ASTN1: variants seen among roughly 807,000 people sequenced by gnomAD.
ASTN1 encodes the protein astrotactin-1.
A neutral mutation model predicts 140.7 loss-of-function variants in ASTN1; 41 were observed. The observed-to-expected ratio is 0.29, with a 90% CI of 0.23 to 0.38. The LOEUF is 0.38. ASTN1 is among the 10% of genes least tolerant of loss of function. The pLI, the probability that ASTN1 is intolerant of heterozygous loss-of-function variation, is 1.00. For synonymous variants in ASTN1, 640 were observed against 652.2 expected (o/e 0.98, Z 0.29); for missense variants, 1,479 against 1,678.8 (o/e 0.88, Z 2.08).
chr1:177,090,791 A>G (rs1480416619), intron 1 of ASTN1, among the ~76,000 whole-genome samples: 1 of 152,048 alleles, frequency 6.6e-6, no homozygotes, highest in Admixed American at 6.6e-5. Flanking sequence ...CTATAAGAAA[A>G]CCTTCAAATA....
chr1:176,997,320 T>C (rs1674502099), intron 8 of ASTN1, among the ~76,000 whole-genome samples: 1 of 152,144 alleles, frequency 6.6e-6, no homozygotes, highest in Non-Finnish European at 1.5e-5. Context: ...AGTGAGTAGT[T>C]AGTAAGAGGT....
At chr1:176,893,295 G>A (rs374451769) in intron 17 of ASTN1, among the ~76,000 whole-genome samples, 2 of 152,136 alleles carry the variant, frequency 1.3e-5, no homozygotes, top group East Asian at 3.9e-4. Flanking sequence ...AAGGGAAGAA[G>A]AAGAGGGCTG....
At chr1:176,935,749 C>T (rs534378778) in intron 15 of ASTN1, among the ~76,000 whole-genome samples, 43 of 151,874 alleles carry the variant, frequency 2.8e-4, no homozygotes, top group South Asian at 1.7e-3. Flanking sequence ...ATATCTATTT[C>T]TCTCTCTCTC....
chr1:176,986,923 C>A (rs567782055), intron 8 of ASTN1, among the ~76,000 whole-genome samples: 2 of 152,104 alleles, frequency 1.3e-5, no homozygotes. Flanking sequence ...TTGCAACTGT[C>A]CCCTAAATGA....
chr1:177,080,856 C>T (rs536457547), intron 1 of ASTN1, among the ~76,000 whole-genome samples: 7 of 152,206 alleles, frequency 4.6e-5, no homozygotes, highest in African/African-American at 1.4e-4. Context: ...GCCTCTGGGT[C>T]TTCATTTGTT....
At chr1:176,917,336 T>C (rs1670530510) in intron 16 of ASTN1, among the ~76,000 whole-genome samples, 1 of 152,152 alleles carries the variant, frequency 6.6e-6, no homozygotes, top group Non-Finnish European at 1.5e-5. Context: ...CTTCCCAGGG[T>C]GGGGTGGCAC....
chr1:177,029,561 C>G (rs1375268652), intron 5 of ASTN1, 73 bp downstream of exon 5: 1 of 1,478,878 alleles, frequency 6.8e-7, no homozygotes, highest in Non-Finnish European at 9.4e-7. Flanking sequence ...CCCAACCCAA[C>G]ACCTCTTCGC....
chr1:176,930,689 C>T (rs1193248545), intron 16 of ASTN1, among the ~76,000 whole-genome samples: 1 of 152,058 alleles, frequency 6.6e-6, no homozygotes, highest in Non-Finnish European at 1.5e-5. Flanking sequence ...CAGGGAATCT[C>T]TAATTAAGAA....
chr1:177,075,947 T>C (rs1250398445), intron 1 of ASTN1, among the ~76,000 whole-genome samples: 9 of 152,090 alleles, frequency 5.9e-5, no homozygotes, highest in South Asian at 2.1e-4. Context: ...TGAACAAACC[T>C]TTTGATCTCA....
chr1:176,981,640 G>C (rs1673625911), intron 8 of ASTN1: 1 of 152,492 alleles, frequency 6.6e-6, no homozygotes, highest in Non-Finnish European at 1.5e-5. Context: ...AGCTCCAAGT[G>C]ATATTGAGGG....
chr1:176,941,907 T>C lies in ASTN1; in HGVS notation c.2377+1984A>G, dbSNP rs187515974. On this transcript the variant is annotated intron_variant, in intron 14 of 22. Transcript: ENST00000361833. ...TGGTGTGGCAACAAGGAAACTAGAT[T>C]CCCTAATGCCAGAGATGCAGGCTTT... Among the ~76,000 whole-genome samples the C allele has an allele frequency of 5.3e-5, 8 of 152,282 alleles. No individual in the cohort carries two copies. The East Asian group carries it at 1.4e-3, about 26-fold the overall frequency.
chr1:177,139,534 A>G (rs2102220630), intron 1 of ASTN1, among the ~76,000 whole-genome samples: 1 of 152,344 alleles, frequency 6.6e-6, no homozygotes, highest in African/African-American at 2.4e-5. Flanking sequence ...GCAGTGATGA[A>G]GGCAGCCTTG....
At position 177,032,855 on chromosome 1, in the gene ASTN1, AAG is replaced by A; in HGVS notation, c.472-8_472-7del. The A allele has an allele frequency of 6.3e-7, 1 of 1,587,280 alleles. No homozygotes were observed. The highest frequency in any genetic ancestry group is 8.6e-7 in the Non-Finnish European group (1 of 1,166,092). On this transcript the variant is annotated splice_polypyrimidine_tract_variant and splice_region_variant and intron_variant, in intron 2 of 22. Coordinates refer to ENST00000361833, the MANE Select transcript of ASTN1 (RefSeq NM_004319.3). ...AGCAGAGCGATCATGCCACCCTAGGAAGAGAGGACCACAGATGGATGTGGGAA... is the reference window on the plus strand; with the variant it reads ...AGCAGAGCGATCATGCCACCCTAGGAAGAGGACCACAGATGGATGTGGGAA...
At chr1:176,943,350 C>T (rs1403385098) in intron 14 of ASTN1, among the ~76,000 whole-genome samples, 1 of 152,076 alleles carries the variant, frequency 6.6e-6, no homozygotes, top group East Asian at 1.9e-4. Flanking sequence ...GAGGGGCAGG[C>T]ATTATTATCC....
intron 8 of ASTN1, among the ~76,000 whole-genome samples, chr1:176,979,368 C>G (rs1673508283): frequency 6.6e-6 from 1 of 152,144 alleles, no homozygotes; most frequent in South Asian, 2.1e-4. Flanking sequence ...CCAGGGCCAT[C>G]CAGGGTGCCC....
At chr1:176,911,778 A>G (rs1024632643) in intron 16 of ASTN1, among the ~76,000 whole-genome samples, 1 of 152,224 alleles carries the variant, frequency 6.6e-6, no homozygotes, top group African/African-American at 2.4e-5. Flanking sequence ...AAATAATGAT[A>G]AAAAGCATAG....
At chr1:177,095,048 A>C (rs1241299430) in intron 1 of ASTN1, among the ~76,000 whole-genome samples, 1 of 152,204 alleles carries the variant, frequency 6.6e-6, no homozygotes, top group Non-Finnish European at 1.5e-5. Context: ...TTCGTGTCCC[A>C]GTATTTTGTA....
chr1:177,085,651 T>C lies in ASTN1; in HGVS notation c.284-24386A>G, dbSNP rs555691363. On this transcript the variant is annotated intron_variant, in intron 1 of 22. Transcript: ENST00000361833. ...GCAAAATGCAGCCCAGGTGGTAACATGCACCTGCACAACCCCTGCCTGCCA... is the reference window on the plus strand; with the variant it reads ...GCAAAATGCAGCCCAGGTGGTAACACGCACCTGCACAACCCCTGCCTGCCA... Among the ~76,000 whole-genome samples, 11 of 152,256 alleles carry C rather than the reference T, an allele frequency of 7.2e-5. No homozygotes were observed. The South Asian group carries it at 2.3e-3, about 32-fold the overall frequency.
At chr1:177,021,541 T>C (rs891299746) in intron 7 of ASTN1, among the ~76,000 whole-genome samples, 1 of 152,224 alleles carries the variant, frequency 6.6e-6, no homozygotes, top group South Asian at 2.1e-4. Context: ...GATTTCATGA[T>C]AAATAAAACA....
Sources: allele counts gnomAD v4.1 joint callset (sites outside exome capture counted in the v4.1 genomes callset), GRCh38; gene constraint gnomAD v4.1.1; transcripts MANE v1.5; gene names NCBI Gene and HGNC (gene_info 2026-07-23, HGNC 2026-07-21).